CPQ: variants seen among roughly 807,000 people sequenced by gnomAD.
CPQ encodes carboxypeptidase Q.
A neutral mutation model predicts 45.7 loss-of-function variants in CPQ; 37 were observed. That is an observed-to-expected ratio of 0.81 (90% CI 0.62 to 1.07). The LOEUF is 1.07. CPQ is among the 50% of genes least tolerant of loss of function. The pLI is 0.00. For synonymous variants in CPQ, 186 were observed against 205.8 expected (o/e 0.90, Z 0.82); for missense variants, 537 against 572.9 (o/e 0.94, Z 0.64).
intron 3 of CPQ, among the ~76,000 whole-genome samples, chr8:96,845,960 C>T (rs1415895633): frequency 6.6e-6 from 1 of 152,150 alleles, no homozygotes; most frequent in Non-Finnish European, 1.5e-5. Context: ...GCTGGGATTA[C>T]AGTCATGCAC....
At chr8:96,869,904 A>G (rs193268889) in intron 3 of CPQ, among the ~76,000 whole-genome samples, 52 of 152,214 alleles carry the variant, frequency 3.4e-4, no homozygotes, top group African/African-American at 1.1e-3. Context: ...GTTAGAAGCC[A>G]CAGACTAGCA....
At chr8:96,793,295 T>C (rs545985022) in intron 2 of CPQ, among the ~76,000 whole-genome samples, 6 of 152,328 alleles carry the variant, frequency 3.9e-5, no homozygotes, top group African/African-American at 1.4e-4. Context: ...GAAAGAGGTT[T>C]ATTAGACTTA....
intron 5 of CPQ, among the ~76,000 whole-genome samples, chr8:97,013,473 G>T (rs1336741047): frequency 1.3e-5 from 2 of 152,168 alleles, no homozygotes; most frequent in Non-Finnish European, 2.9e-5. Flanking sequence ...GGCTGTGTGT[G>T]AAAACTACAT....
intron 1 of CPQ, among the ~76,000 whole-genome samples, chr8:96,743,197 A>G (rs569324759): frequency 6.6e-6 from 1 of 150,914 alleles, no homozygotes; most frequent in South Asian, 2.1e-4. Flanking sequence ...TTTTCTCTAA[A>G]CTTCCCTTCT....
chr8:96,959,815 C>T (rs991715775), intron 4 of CPQ, among the ~76,000 whole-genome samples: 2 of 148,252 alleles, frequency 1.3e-5, no homozygotes, highest in South Asian at 4.2e-4. Context: ...ACTTTTCCTG[C>T]TACCTTTTAA....
intron 7 of CPQ, among the ~76,000 whole-genome samples, chr8:97,090,536 A>G (rs966414921): frequency 1.3e-5 from 2 of 152,188 alleles, no homozygotes; most frequent in South Asian, 2.1e-4. Context: ...ACATTGAGAT[A>G]CCAGATTACA....
intron 4 of CPQ, among the ~76,000 whole-genome samples, chr8:96,952,450 A>C (rs903745731): frequency 1.3e-5 from 2 of 152,156 alleles, no homozygotes; most frequent in East Asian, 3.9e-4. Context: ...ATGCAATTAA[A>C]AAGATTGAGT....
chr8:96,669,949 G>T (rs1265864509), intron 1 of CPQ, among the ~76,000 whole-genome samples: 1 of 152,150 alleles, frequency 6.6e-6, no homozygotes, highest in Non-Finnish European at 1.5e-5. Flanking sequence ...ACTGGTCAAT[G>T]AATAATTTTA....
intron 6 of CPQ, among the ~76,000 whole-genome samples, chr8:97,053,749 T>C (rs185220406): frequency 2.6e-5 from 4 of 152,334 alleles, no homozygotes; most frequent in Admixed American, 2.0e-4. Context: ...ATAATCATTC[T>C]GGCTGCTTGG....
At chr8:96,955,850 T>A (rs1179335162) in intron 4 of CPQ, among the ~76,000 whole-genome samples, 1 of 152,166 alleles carries the variant, frequency 6.6e-6, no homozygotes, top group African/African-American at 2.4e-5. Context: ...GATCCCTTCC[T>A]TACACCTTAT....
chr8:96,904,815 T>C (rs1459304548), intron 4 of CPQ, among the ~76,000 whole-genome samples: 1 of 152,152 alleles, frequency 6.6e-6, no homozygotes, highest in East Asian at 1.9e-4. Flanking sequence ...CCACTTGCAT[T>C]CTACAGACTC....
chr8:96,777,750 ATATATATATATTTTTTTTTTTTTTTTT>A (rs1258282707), intron 1 of CPQ, among the ~76,000 whole-genome samples: 1 of 11,362 alleles, frequency 8.8e-5, no homozygotes, highest in African/African-American at 3.9e-4. Flanking sequence ...ATATATATAT[ATATATATATATTTTTTTTTTTTTTTTT>A]TTTTTTTTTT....
chr8:96,836,154 T>C (rs2130849588), intron 3 of CPQ, among the ~76,000 whole-genome samples: 1 of 152,322 alleles, frequency 6.6e-6, no homozygotes, highest in South Asian at 2.1e-4. Context: ...GGTCTCCGGA[T>C]TGGATTTTTA....
chr8:97,096,129 T>C (rs1811207036), intron 7 of CPQ, among the ~76,000 whole-genome samples: 1 of 152,186 alleles, frequency 6.6e-6, no homozygotes, highest in Non-Finnish European at 1.5e-5. Context: ...TAAATGTTTT[T>C]AAATGTTTTC....
At chr8:96,916,421 GT>G (rs1194438026) in intron 4 of CPQ, among the ~76,000 whole-genome samples, 1 of 152,124 alleles carries the variant, frequency 6.6e-6, no homozygotes, top group Non-Finnish European at 1.5e-5. Flanking sequence ...AAATGTGTGA[GT>G]TTAAAATGGA....
intron 3 of CPQ, among the ~76,000 whole-genome samples, chr8:96,841,635 A>T (rs140361856): frequency 1.5e-3 from 226 of 152,300 alleles, no homozygotes; most frequent in Non-Finnish European, 2.7e-3. Context: ...GGTGGGAATG[A>T]GTTGTTGATA....
chr8:97,136,479 C>T (rs1459112054), intron 7 of CPQ, among the ~76,000 whole-genome samples: 1 of 152,118 alleles, frequency 6.6e-6, no homozygotes, highest in African/African-American at 2.4e-5. Context: ...TATCATTAGC[C>T]CTGTTTGCTG....
chr8:96,929,857 A>G (rs1264630806), intron 4 of CPQ, among the ~76,000 whole-genome samples: 1 of 152,206 alleles, frequency 6.6e-6, no homozygotes, highest in Non-Finnish European at 1.5e-5. Context: ...TCAGTAGGCA[A>G]AAGTTTCCTT....
intron 4 of CPQ, among the ~76,000 whole-genome samples, chr8:96,956,954 C>T (rs910834520): frequency 2.6e-5 from 4 of 152,314 alleles, no homozygotes; most frequent in Admixed American, 6.5e-5. Flanking sequence ...GGCATGGAGC[C>T]TTTCAAAGTA....
Sources: allele counts gnomAD v4.1 joint callset (sites outside exome capture counted in the v4.1 genomes callset), GRCh38; gene constraint gnomAD v4.1.1; transcripts MANE v1.5; gene names NCBI Gene and HGNC (gene_info 2026-07-23, HGNC 2026-07-21).